Variants in CCDC178 observed in about 807,000 individuals in gnomAD.
CCDC178 encodes the protein coiled-coil domain containing 178.
In CCDC178, 126 loss-of-function variants were observed where a neutral mutation model predicts 117.4. That is an observed-to-expected ratio of 1.07 (90% confidence interval 0.93 to 1.24). The LOEUF (loss-of-function observed/expected upper bound fraction) is 1.24, where lower values mean the gene tolerates loss of function less well. Among genes scored for constraint, CCDC178 ranks in the 50% most tolerant of loss-of-function variants. The probability of loss-of-function intolerance (pLI) is 0.00; values close to 1 mark genes in which losing one functional copy is unlikely to be tolerated. For synonymous variants in CCDC178, 283 were observed against 313.4 expected (o/e 0.90, Z 1.02); for missense variants, 1,030 against 986.9 (o/e 1.04, Z -0.59).
intron 20 of CCDC178, among the ~76,000 whole-genome samples, chr18:33,181,068 G>A (rs1024149003): frequency 7.2e-5 from 11 of 151,874 alleles, no homozygotes; most frequent in African/African-American, 2.7e-4. Flanking sequence ...TGGAAGACTG[G>A]AGGAAAAAAA....
chr18:33,123,694 A>C (rs772066194), intron 20 of CCDC178, among the ~76,000 whole-genome samples: 5 of 152,140 alleles, frequency 3.3e-5, no homozygotes, highest in Non-Finnish European at 7.4e-5. Context: ...ACATGTCAGC[A>C]ATCGTTGTGT....
At chr18:33,109,737 A>AG (rs149237749) in intron 20 of CCDC178, among the ~76,000 whole-genome samples, 14,346 of 151,270 alleles carry the variant, frequency 0.095, 865 homozygotes, top group African/African-American at 0.17. Flanking sequence ...TATTCTCTTG[A>AG]GTCGGGTATC....
At chr18:32,941,905 A>G (rs574258438) in intron 22 of CCDC178, among the ~76,000 whole-genome samples, 1 of 152,278 alleles carries the variant, frequency 6.6e-6, no homozygotes, top group African/African-American at 2.4e-5. Flanking sequence ...TCATAAAAGT[A>G]AGGATTGATG....
Position 33,179,146 on chromosome 18 carries a change from C to CTATA in CCDC178, c.2238+32746_2238+32749dup, listed in dbSNP as rs1221903813. On this transcript the variant is annotated intron_variant, in intron 20 of 22. Transcript: ENST00000383096. Reference sequence around the variant, plus strand: ...TATATATAAACTATATATATATAAACTATATATATATAAACTATATATATA... The same window carrying CTATA: ...TATATATAAACTATATATATATAAACTATATATATATATATAAACTATATATATA... 2.2e-4 allele frequency among the ~76,000 whole-genome samples: 15 copies of CTATA among 68,412 alleles called. 1 individual carries two copies. In the South Asian group the frequency reaches 3.4e-3, roughly 16 times the overall value. The allele number at this position is 68,412 out of a possible 152,430, so 44.9% of individuals were successfully genotyped here.
chr18:33,058,291 C>T (rs2056864133), intron 21 of CCDC178, among the ~76,000 whole-genome samples: 1 of 152,128 alleles, frequency 6.6e-6, no homozygotes, highest in Admixed American at 6.5e-5. Flanking sequence ...GTGATCTATC[C>T]ATGCAATGTA....
chr18:33,335,906 C>T (rs2062733355), intron 9 of CCDC178, among the ~76,000 whole-genome samples: 1 of 152,046 alleles, frequency 6.6e-6, no homozygotes, highest in South Asian at 2.1e-4. Context: ...TATTGAGCTA[C>T]TTCTTTTCTT....
chr18:33,267,536 T>TA (rs2059833758), intron 12 of CCDC178, among the ~76,000 whole-genome samples: 1 of 151,532 alleles, frequency 6.6e-6, no homozygotes, highest in African/African-American at 2.4e-5. Flanking sequence ...TTTCGTATCT[T>TA]AAAAAAACTA....
At chr18:32,954,567 G>C (rs886967605) in intron 22 of CCDC178, 1 of 152,104 alleles carries the variant, frequency 6.6e-6, no homozygotes, top group Non-Finnish European at 1.5e-5. Context: ...CAATTGCCAT[G>C]GTGGAAGTAT....
intron 20 of CCDC178, among the ~76,000 whole-genome samples, chr18:33,153,154 A>G (rs2058359170): frequency 6.8e-6 from 1 of 148,114 alleles, no homozygotes; most frequent in Admixed American, 6.8e-5. Context: ...ATATATATAT[A>G]TAACATATAT....
chr18:33,241,391 G>C (rs371394120), intron 15 of CCDC178, among the ~76,000 whole-genome samples: 29 of 150,948 alleles, frequency 1.9e-4, no homozygotes, highest in African/African-American at 7.1e-4. Flanking sequence ...AACTGAAAAG[G>C]AGAAAATCAA....
At chr18:33,139,047 G>A (rs1173348662) in intron 20 of CCDC178, among the ~76,000 whole-genome samples, 1 of 152,184 alleles carries the variant, frequency 6.6e-6, no homozygotes, top group Non-Finnish European at 1.5e-5. Flanking sequence ...TATGGAGACA[G>A]GTCTTTCCTG....
At chr18:33,269,902 A>G (rs7351024) in intron 12 of CCDC178, among the ~76,000 whole-genome samples, 10,436 of 151,882 alleles carry the variant, frequency 0.069, 560 homozygotes, top group African/African-American at 0.14. Context: ...AATAGAAATT[A>G]TCTCAGGGGA....
At chr18:33,031,808 G>A (rs1253755302) in intron 21 of CCDC178, among the ~76,000 whole-genome samples, 5 of 151,852 alleles carry the variant, frequency 3.3e-5, no homozygotes, top group African/African-American at 9.7e-5. Flanking sequence ...GTTCACGATA[G>A]CCCCAATCTG....
intron 20 of CCDC178, among the ~76,000 whole-genome samples, chr18:33,184,676 C>A (rs1313881913): frequency 6.6e-6 from 1 of 151,962 alleles, no homozygotes. Flanking sequence ...CAGAATCCTA[C>A]AGGATTTTGT....
intron 14 of CCDC178, among the ~76,000 whole-genome samples, chr18:33,256,890 G>A (rs1355923758): frequency 1.3e-5 from 2 of 151,874 alleles, no homozygotes; most frequent in African/African-American, 4.8e-5. Flanking sequence ...GCACTTTTTG[G>A]ATAGTGTTCT....
intron 21 of CCDC178, among the ~76,000 whole-genome samples, chr18:33,058,601 T>C (rs1003465637): frequency 1.3e-5 from 2 of 152,182 alleles, no homozygotes. Context: ...CATAGTTTTA[T>C]GGAAATAAGT....
Position 33,244,462 on chromosome 18 carries a change from CAT to C in CCDC178, c.1593+781_1593+782del, listed in dbSNP as rs1320898464. Reference sequence around the variant, plus strand: ...TGGGACCAGGTGGAGATAATTGAATCATGAGGCATTTCCCCCATGCTATTCTC... The same window carrying C: ...TGGGACCAGGTGGAGATAATTGAATCGAGGCATTTCCCCCATGCTATTCTC... On this transcript the variant is annotated intron_variant, in intron 15 of 22. Coordinates refer to ENST00000383096, the MANE Select transcript of CCDC178 (RefSeq NM_001105528.4). Among the ~76,000 whole-genome samples, 13 of 151,888 alleles carry C rather than the reference CAT, an allele frequency of 8.6e-5. No homozygotes were observed. In the East Asian group the frequency reaches 1.6e-3, roughly 18 times the overall value.
At chr18:33,118,045 G>A (rs1321772147) in intron 20 of CCDC178, among the ~76,000 whole-genome samples, 1 of 152,050 alleles carries the variant, frequency 6.6e-6, no homozygotes, top group African/African-American at 2.4e-5. Flanking sequence ...CATACAGAAT[G>A]CCTTATCATT....
chr18:33,343,109 A>AT (rs921347106), intron 9 of CCDC178, among the ~76,000 whole-genome samples: 128 of 150,100 alleles, frequency 8.5e-4, no homozygotes, highest in African/African-American at 2.4e-3. Context: ...CAGAGCTGTG[A>AT]TTTTTTTTTT....
Sources: gnomAD v4.1 joint callset for allele counts (sites outside exome capture counted in the v4.1 genomes callset) on GRCh38, gnomAD v4.1.1 for gene constraint, MANE v1.5 for transcripts, NCBI Gene and HGNC (gene_info 2026-07-23, HGNC 2026-07-21) for gene names.